Variants in IRX6 observed in about 807,000 individuals in gnomAD.
IRX6 encodes the protein iroquois-class homeodomain protein IRX-6.
Under a neutral mutation model 47.7 loss-of-function variants are expected in IRX6, and 46 were observed. The observed-to-expected ratio is 0.96, with a 90% CI of 0.76 to 1.23. The LOEUF is 1.23. Ranked by LOEUF, IRX6 falls within the 50% of genes most tolerant of loss-of-function variation. The probability of loss-of-function intolerance (pLI) is 0.00; values close to 1 mark genes in which losing one functional copy is unlikely to be tolerated. For synonymous variants in IRX6, 265 were observed against 246.2 expected (o/e 1.08, Z -0.72); for missense variants, 722 against 588.0 (o/e 1.23, Z -2.36).
In IRX6 at chr16:55,330,647, C is replaced by A; in HGVS notation, c.*342C>A. The stretch of plus-strand genomic sequence containing the variant: ...TGCTCACCCCTGTCTCTCACCTCCA[C>A]CAACCCCACTCACTTTGTAACTTCA... On this transcript the variant is annotated 3_prime_UTR_variant, in exon 6 of 6. Transcript: ENST00000290552. 2.4e-6 allele frequency: 1 copy of A among 417,848 alleles called. No individual in the cohort carries two copies. The highest frequency in any genetic ancestry group is 4.4e-6 in the Non-Finnish European group (1 of 227,758). The allele number at this position is 417,848 out of a possible 1,614,324, so 25.9% of individuals were successfully genotyped here. A position where few individuals can be genotyped will look rare whatever the true frequency, so the allele number is the denominator to read the frequency against.
Position 55,326,519 on chromosome 16 carries a change from G to T in IRX6, c.229G>T (p.Ala77Ser). 1.2e-6 allele frequency: 2 copies of T among 1,604,394 alleles called. No individual in the cohort carries two copies. The highest frequency in any genetic ancestry group is 1.7e-6 in the Non-Finnish European group (2 of 1,175,384). The change falls in exon 2 of 6, where the codon GCC (alanine) becomes TCC (serine). Residue 77 changes from alanine (A) to serine (S), a missense_variant. Physicochemically the swap from Ala to Ser is moderately conservative, Grantham distance 99 (BLOSUM62 1). Coordinates refer to ENST00000290552, the MANE Select transcript of IRX6 (RefSeq NM_024335.3). The part of the protein sequence containing the change: ...ALGIYGAPYA[A>S]AAAAQSYPGY... ...GGGCATCTATGGAGCACCCTATGCG[G>T]CCGCTGCAGCTGCCCAGAGCTACCC...
chr16:55,325,253 G>C, intron 1 of IRX6, 117 bp downstream of exon 1: 2 of 962,458 alleles, frequency 2.1e-6, no homozygotes, highest in East Asian at 2.5e-5. Context: ...GAAGGAGCAA[G>C]GACCAGGGTA....
At chr16:55,328,603 G>T (rs1960579379) in intron 4 of IRX6, 97 bp from the exon 5 acceptor site, 4 of 1,251,038 alleles carry the variant, frequency 3.2e-6, no homozygotes, top group African/African-American at 3.0e-5. Flanking sequence ...TGCCCTGAGT[G>T]CAGGGCGCTT....
Position 55,328,685 on chromosome 16 carries a change from C to A in IRX6, c.722-15C>A, listed in dbSNP as rs1372334999. On this transcript the variant is annotated splice_polypyrimidine_tract_variant and intron_variant, in intron 4 of 5. Transcript: ENST00000290552. ...GGCCCTGGGGCTTTTCTCACTCGCT[C>A]TTGATTTCCTGCAGAAGTTACTGCT... 1 of 1,611,316 alleles carries A rather than the reference C, an allele frequency of 6.2e-7. No homozygotes were observed.
chr16:55,325,563 A>AAGAG (rs1567338611), intron 1 of IRX6, among the ~76,000 whole-genome samples: 1 of 12,562 alleles, frequency 8.0e-5, no homozygotes, highest in African/African-American at 3.5e-4. Context: ...GAGAGAGAGA[A>AAGAG]AGAAAGAGAA....
In IRX6 at chr16:55,324,786, C is replaced by G. The variant is rs1465093962; in HGVS notation, c.-306C>G. 20 of 476,316 alleles carry G rather than the reference C, an allele frequency of 4.2e-5. No homozygotes were observed. In the South Asian group the frequency reaches 4.5e-4, roughly 11 times the overall value. 29.5% of individuals were successfully genotyped at this position (476,316 alleles called of 1,614,324 possible). ...CCTCCGGAGCCTCACAGCCCCGCGCCGCGCCGCGCCTCACCTCGCCACCAC... is the reference window on the plus strand; with the variant it reads ...CCTCCGGAGCCTCACAGCCCCGCGCGGCGCCGCGCCTCACCTCGCCACCAC... On this transcript the variant is annotated 5_prime_UTR_variant, in exon 1 of 6. Transcript: ENST00000290552. This position sits in a 1 kb window ranked among gnomAD's most constrained non-coding sequence, Gnocchi z 4.4.
At chr16:55,326,693 GT>G in intron 2 of IRX6, 100 bp downstream of exon 2, 1 of 1,302,840 alleles carries the variant, frequency 7.7e-7, no homozygotes. Context: ...AAAGGAAATG[GT>G]TAGGACTGTG....
At position 55,327,762 on chromosome 16, in the gene IRX6, TCGCCAACGCACGCCGG is replaced by T. The variant is rs774118292; in HGVS notation, c.595_610del (p.Asn199SerfsTer7). 2 of 1,612,414 alleles carry T rather than the reference TCGCCAACGCACGCCGG, an allele frequency of 1.2e-6. No homozygotes were observed. Among genetic ancestry groups the T allele is most frequent in the East Asian group, 4.5e-5 (2 of 44,856 alleles). On this transcript the variant is annotated frameshift_variant, in exon 4 of 6. Coordinates refer to ENST00000290552, the MANE Select transcript of IRX6 (RefSeq NM_024335.3). LOFTEE classifies it high-confidence loss of function. ...ACCCTCACCCAGGTGTCCACCTGGTTCGCCAACGCACGCCGGCGCCTCAAGAAAGAGAACAAAATGA... is the reference window on the plus strand; with the variant it reads ...ACCCTCACCCAGGTGTCCACCTGGTTCGCCTCAAGAAAGAGAACAAAATGA...
At position 55,327,738 on chromosome 16, in the gene IRX6, C is replaced by A. The variant is rs141194029; in HGVS notation, c.566C>A (p.Thr189Asn). ...ATGCTGGCCATCATCACCAAGATGA[C>A]CCTCACCCAGGTGTCCACCTGGTTC... ...KIMLAIITKM[T>N]LTQVSTWFAN... The change falls in exon 4 of 6, where the codon ACC becomes AAC. Residue 189 changes from threonine (T) to asparagine (N), a missense_variant. Physicochemically the swap from Thr to Asn is moderately conservative, Grantham distance 65. Coordinates refer to ENST00000290552, the MANE Select transcript of IRX6 (RefSeq NM_024335.3). The A allele has an allele frequency of 5.3e-5, 86 of 1,612,398 alleles. 1 individual carries two copies. The East Asian group carries it at 1.7e-3, about 31-fold the overall frequency.
Position 55,324,683 on chromosome 16 carries a change from C to T in IRX6, c.-409C>T, listed in dbSNP as rs755942086. ...TGGCACGCTTGGTGGCCCAGGGTCC[C>T]GGGGCCCGGGGTCCCGTCTGGCGGC... On this transcript the variant is annotated 5_prime_UTR_variant, in exon 1 of 6. Transcript: ENST00000290552. This position sits in a 1 kb window ranked among gnomAD's most constrained non-coding sequence, Gnocchi z 4.4. 8 of 218,250 alleles carry T rather than the reference C, an allele frequency of 3.7e-5. No individual in the cohort carries two copies. The highest frequency in any genetic ancestry group is 7.3e-5 in the Non-Finnish European group (8 of 109,484). The allele number at this position is 218,250 out of a possible 1,614,324, so 13.5% of individuals were successfully genotyped here. A position where few individuals can be genotyped will look rare whatever the true frequency, so the allele number is the denominator to read the frequency against.
rs762110992 is a variant in IRX6 at position 55,327,722 on chromosome 16, A to T, written c.550A>T (p.Ile184Phe). 6.2e-7 allele frequency: 1 copy of T among 1,612,404 alleles called. No individual in the cohort carries two copies. Among genetic ancestry groups the T allele is most frequent in the Admixed American group, 1.7e-5 (1 of 60,012 alleles). ...PTKGEKIMLA[I>F]ITKMTLTQVS... ...TAAGGGTGAGAAGATCATGCTGGCCATCATCACCAAGATGACCCTCACCCA... is the reference window on the plus strand; with the variant it reads ...TAAGGGTGAGAAGATCATGCTGGCCTTCATCACCAAGATGACCCTCACCCA... The change falls in exon 4 of 6, where the codon ATC becomes TTC. Residue 184 changes from isoleucine to phenylalanine, a missense_variant. Coordinates refer to ENST00000290552, the MANE Select transcript of IRX6 (RefSeq NM_024335.3).
chr16:55,325,529 A>AGGAAGGAAGGAAGGAAGGAAGGAAGG (rs1567338512), intron 1 of IRX6, among the ~76,000 whole-genome samples: 1 of 36,800 alleles, frequency 2.7e-5, no homozygotes, highest in Non-Finnish European at 5.0e-5. Context: ...GAAGGAAGGA[A>AGGAAGGAAGGAAGGAAGGAAGGAAGG]GGAGAGAGAG....
intron 1 of IRX6, 104 bp from the exon 2 acceptor site, chr16:55,326,232 T>A (rs1960518704): frequency 9.9e-7 from 1 of 1,012,360 alleles, no homozygotes; most frequent in East Asian, 2.6e-5. Flanking sequence ...GCAATCTGAT[T>A]ATCTGATTTT....
Position 55,325,964 on chromosome 16 carries a change from T to A in IRX6, c.46-372T>A, listed in dbSNP as rs1960513771. On this transcript the variant is annotated intron_variant, in intron 1 of 5. Coordinates refer to ENST00000290552, the MANE Select transcript of IRX6 (RefSeq NM_024335.3). ...CAGGAATGAGACGTTAATAATGGTC[T>A]CTAAGGCCACCTTCTAGCTCCGCCT... 10 of 234,946 alleles carry A rather than the reference T, an allele frequency of 4.3e-5. 1 individual carries two copies. In the South Asian group the frequency reaches 6.9e-4, roughly 16 times the overall value. 14.6% of individuals were successfully genotyped at this position (234,946 alleles called of 1,614,324 possible). A position where few individuals can be genotyped will look rare whatever the true frequency, so the allele number is the denominator to read the frequency against.
chr16:55,327,671 G>C lies in IRX6; in HGVS notation c.499G>C (p.Glu167Gln), dbSNP rs532401556. The change falls in exon 4 of 6, where the codon GAG (glutamate) becomes CAG (glutamine). Residue 167 changes from glutamate (E) to glutamine (Q), a missense_variant. Physicochemically the swap from Glu to Gln is conservative, Grantham distance 29 (BLOSUM62 2). Coordinates refer to ENST00000290552, the MANE Select transcript of IRX6 (RefSeq NM_024335.3). The part of the protein sequence containing the change: ...TTSTLKAWLN[E>Q]HRKNPYPTKG... ...CAGTACACTCAAGGCCTGGCTCAACGAGCACCGCAAAAACCCCTACCCCAC... is the reference window on the plus strand; with the variant it reads ...CAGTACACTCAAGGCCTGGCTCAACCAGCACCGCAAAAACCCCTACCCCAC... 5 of 1,612,218 alleles carry C rather than the reference G, an allele frequency of 3.1e-6. No homozygotes were observed. Among genetic ancestry groups the C allele is most frequent in the South Asian group, 1.1e-5 (1 of 90,992 alleles).
rs1567339421 is a variant in IRX6 at position 55,327,436 on chromosome 16, CTG to C, written c.413+34_413+35del. Reference sequence around the variant, plus strand: ...GAGTGAAGGGCCTTGGTGACTGGCACTGTGAGTCTTTCCTCCCCCACTGCCAA... The same window carrying C: ...GAGTGAAGGGCCTTGGTGACTGGCACTGAGTCTTTCCTCCCCCACTGCCAA... On this transcript the variant is annotated intron_variant, in intron 3 of 5. Transcript: ENST00000290552. The C allele has an allele frequency of 2.5e-6, 4 of 1,584,356 alleles. No homozygotes were observed. In the South Asian group the frequency reaches 4.4e-5, roughly 18 times the overall value.
In IRX6 at chr16:55,327,288, C is replaced by T; in HGVS notation, c.304-8C>T. On this transcript the variant is annotated splice_region_variant and splice_polypyrimidine_tract_variant and intron_variant, in intron 2 of 5. Transcript: ENST00000290552. ...GTACTCCTGAATTCTCTTTTCCTCT[C>T]CCTCTAGAATCCACAGTATGAATTT... 6.2e-7 allele frequency: 1 copy of T among 1,602,310 alleles called. No homozygotes were observed. Among genetic ancestry groups the T allele is most frequent in the Non-Finnish European group, 8.6e-7 (1 of 1,169,260 alleles).
intron 5 of IRX6, 144 bp from the exon 6 acceptor site, chr16:55,330,154 G>T (rs985042510): frequency 8.4e-6 from 6 of 715,858 alleles, no homozygotes; most frequent in Non-Finnish European, 1.5e-5. Context: ...TTGAATTTAC[G>T]CAACGGATCC....
At position 55,327,717 on chromosome 16, in the gene IRX6, T is replaced by G. The variant is rs764201652; in HGVS notation, c.545T>G (p.Leu182Arg). Residue 182 changes from leucine to arginine, a missense_variant, in exon 4 of 6, where the codon CTG becomes CGG. Transcript: ENST00000290552. ...CCCACTAAGGGTGAGAAGATCATGC[T>G]GGCCATCATCACCAAGATGACCCTC... Reference protein sequence around the residue: ...PYPTKGEKIMLAIITKMTLTQ... With the variant: ...PYPTKGEKIMRAIITKMTLTQ... 4 of 1,612,400 alleles carry G rather than the reference T, an allele frequency of 2.5e-6. No individual in the cohort carries two copies. Among genetic ancestry groups the G allele is most frequent in the Non-Finnish European group, 3.4e-6 (4 of 1,179,998 alleles).
Sources: gnomAD v4.1 joint callset for allele counts (sites outside exome capture counted in the v4.1 genomes callset) on GRCh38, gnomAD v4.1.1 for gene constraint, Gnocchi (gnomAD v3.1) non-coding constraint, MANE v1.5 for transcripts, NCBI Gene and HGNC (gene_info 2026-07-23, HGNC 2026-07-21) for gene names.